Variants in MAP2 observed in about 807,000 individuals in gnomAD.
MAP2 encodes the protein microtubule-associated protein 2.
In MAP2, 14 loss-of-function variants were observed where a neutral mutation model predicts 137.6. The observed-to-expected ratio is 0.10, with a 90% CI of 0.07 to 0.16. The LOEUF (loss-of-function observed/expected upper bound fraction) is 0.16, where lower values mean the gene tolerates loss of function less well. Ranked by LOEUF, MAP2 falls within the 10% of genes least tolerant of loss-of-function variation. The pLI is 1.00. For missense variants in MAP2, 2,088 were observed against 2,191.5 expected (o/e 0.95, Z 0.94); for synonymous variants, 786 against 782.3 (o/e 1.00, Z -0.08).
intron 1 of MAP2, among the ~76,000 whole-genome samples, chr2:209,431,178 G>T (rs1198541001): frequency 6.6e-6 from 1 of 151,876 alleles, no homozygotes; most frequent in African/African-American, 2.4e-5. Context: ...TTCCCAAATG[G>T]TATCATGAGG....
intron 10 of MAP2, among the ~76,000 whole-genome samples, chr2:209,697,292 T>A (rs1314330452): frequency 6.6e-6 from 1 of 152,186 alleles, no homozygotes; most frequent in East Asian, 1.9e-4. Context: ...TATCTTGGCA[T>A]TGTGCTCTAG....
At chr2:209,461,863 A>C (rs1015625290) in intron 1 of MAP2, among the ~76,000 whole-genome samples, 3 of 152,028 alleles carry the variant, frequency 2.0e-5, no homozygotes, top group Admixed American at 6.5e-5. Context: ...CATTCATCTC[A>C]GTACTCTTAC....
chr2:209,541,415 G>A (rs760769809), intron 2 of MAP2, among the ~76,000 whole-genome samples: 2 of 151,160 alleles, frequency 1.3e-5, no homozygotes, highest in Non-Finnish European at 2.9e-5. Flanking sequence ...GACCGATCAG[G>A]GTGGTGGTTT....
chr2:209,452,678 T>C (rs1005511560), intron 1 of MAP2, among the ~76,000 whole-genome samples: 5 of 152,222 alleles, frequency 3.3e-5, no homozygotes, highest in Non-Finnish European at 7.4e-5. Flanking sequence ...ACTTCTAGCA[T>C]ACAGTCCTAT....
intron 2 of MAP2, among the ~76,000 whole-genome samples, chr2:209,538,143 A>C (rs1209803851): frequency 2.0e-5 from 3 of 152,142 alleles, no homozygotes; most frequent in Non-Finnish European, 4.4e-5. Flanking sequence ...TTTGCTGAGG[A>C]GACTTTGAAT....
intron 2 of MAP2, among the ~76,000 whole-genome samples, chr2:209,544,659 C>A (rs992927919): frequency 2.6e-5 from 4 of 152,122 alleles, no homozygotes; most frequent in Non-Finnish European, 5.9e-5. Flanking sequence ...GCTATTATTT[C>A]CTTAGAAGTC....
chr2:209,684,036 G>GA (rs997741580), intron 7 of MAP2, among the ~76,000 whole-genome samples: 18 of 151,758 alleles, frequency 1.2e-4, no homozygotes, highest in Middle Eastern at 3.4e-3. Flanking sequence ...GGATTTTGAT[G>GA]AAAAAAAAGG....
At chr2:209,619,495 C>T (rs1030297269) in intron 3 of MAP2, among the ~76,000 whole-genome samples, 1 of 152,052 alleles carries the variant, frequency 6.6e-6, no homozygotes, top group African/African-American at 2.4e-5. Flanking sequence ...AGTAGTGTTA[C>T]ATTTCTTCAG....
intron 4 of MAP2, among the ~76,000 whole-genome samples, chr2:209,643,608 A>G (rs1341974605): frequency 6.6e-6 from 1 of 152,226 alleles, no homozygotes; most frequent in African/African-American, 2.4e-5. Flanking sequence ...ACCATTAATG[A>G]ATGCTAAGGG....
rs556740502 is a variant in MAP2, at chr2:209,440,336, C to G, written c.-222+16060C>G. 4.6e-5 allele frequency among the ~76,000 whole-genome samples: 7 copies of G among 151,518 alleles called. No individual in the cohort carries two copies. In the East Asian group the frequency reaches 1.4e-3, roughly 29 times the overall value. ...AAATGGTGAGTACTTTTGGAGAAAA[C>G]AAGATTTGAAAGAATCAACACTATC... On this transcript the variant is annotated intron_variant, in intron 1 of 15. Transcript: ENST00000682079.
In MAP2 at chr2:209,434,897, T is replaced by C. The variant is rs201920466; in HGVS notation, c.-222+10621T>C. ...TGTTATATATATGTTATATATATGT[T>C]ATATATATATGTTATATATATGTTA... On this transcript the variant is annotated intron_variant, in intron 1 of 15. Transcript: ENST00000682079. Among the ~76,000 whole-genome samples the C allele has an allele frequency of 6.9e-4, 93 of 135,490 alleles. 1 individual carries two copies. The highest frequency in any genetic ancestry group is 3.7e-3 in the Middle Eastern group (1 of 268). 88.9% of individuals were successfully genotyped at this position (135,490 alleles called of 152,430 possible). A position where few individuals can be genotyped will look rare whatever the true frequency, so the allele number is the denominator to read the frequency against.
At chr2:209,665,854 T>C (rs990614011) in intron 5 of MAP2, among the ~76,000 whole-genome samples, 1 of 152,178 alleles carries the variant, frequency 6.6e-6, no homozygotes, top group Non-Finnish European at 1.5e-5. Flanking sequence ...TGATCCATAA[T>C]TTTCTTTTCC....
At chr2:209,703,011 C>G (rs977268033) in intron 11 of MAP2, among the ~76,000 whole-genome samples, 18 of 152,110 alleles carry the variant, frequency 1.2e-4, no homozygotes, top group Non-Finnish European at 2.2e-4. Context: ...GCTGGCATAG[C>G]TTTCTCCAAA....
At position 209,732,474 on chromosome 2, in the gene MAP2, A is replaced by G. The variant is rs1350155378; in HGVS notation, c.*2077A>G. ...TCATTATATCTATTTTCTGCCTATT[A>G]ATTGCTGTGAGGTTTGATTTGACCA... On this transcript the variant is annotated 3_prime_UTR_variant, in exon 16 of 16. Coordinates refer to ENST00000682079, the MANE Select transcript of MAP2 (RefSeq NM_001375505.1). 6.6e-6 allele frequency: 1 copy of G among 152,168 alleles called. No individual in the cohort carries two copies. The highest frequency in any genetic ancestry group is 1.5e-5 in the Non-Finnish European group (1 of 68,022). 9.4% of individuals were successfully genotyped at this position (152,168 alleles called of 1,614,324 possible).
chr2:209,697,575 A>C (rs2060541417), intron 10 of MAP2, among the ~76,000 whole-genome samples: 1 of 152,190 alleles, frequency 6.6e-6, no homozygotes, highest in South Asian at 2.1e-4. Context: ...AATTACTATT[A>C]CTTTGCTTTT....
intron 1 of MAP2, among the ~76,000 whole-genome samples, chr2:209,469,664 C>G (rs1409963223): frequency 6.6e-6 from 1 of 152,120 alleles, no homozygotes; most frequent in Non-Finnish European, 1.5e-5. Context: ...GCCTTTCTGT[C>G]TCTGTCTCTC....
intron 5 of MAP2, among the ~76,000 whole-genome samples, chr2:209,658,834 T>C (rs1461431187): frequency 1.3e-5 from 2 of 152,174 alleles, no homozygotes; most frequent in Admixed American, 6.5e-5. Flanking sequence ...TAATTTCTAT[T>C]CATCCCTCAA....
intron 3 of MAP2, among the ~76,000 whole-genome samples, chr2:209,585,807 T>C (rs2077562103): frequency 6.6e-6 from 1 of 152,190 alleles, no homozygotes; most frequent in Non-Finnish European, 1.5e-5. Context: ...GTATTCTATT[T>C]TGTCAAATTC....
At chr2:209,474,191 G>A (rs2149746688) in intron 1 of MAP2, among the ~76,000 whole-genome samples, 1 of 152,282 alleles carries the variant, frequency 6.6e-6, no homozygotes, top group East Asian at 1.9e-4. Context: ...AGCAATTTTG[G>A]CTACAACTGA....
Sources: allele counts gnomAD v4.1 joint callset (sites outside exome capture counted in the v4.1 genomes callset), GRCh38; gene constraint gnomAD v4.1.1; transcripts MANE v1.5; gene names NCBI Gene and HGNC (gene_info 2026-07-23, HGNC 2026-07-21).